The following TRAPPC9 variants were observed in gnomAD, a reference collection of about 807,000 sequenced individuals.
The protein encoded by TRAPPC9 is IKK2 binding protein.
In TRAPPC9, 83 loss-of-function variants were observed where a neutral mutation model predicts 124.0. The observed-to-expected ratio is 0.67, with a 90% CI of 0.56 to 0.80. The LOEUF is 0.80. Among genes scored for constraint, TRAPPC9 ranks in the 30% least tolerant of loss-of-function variants. TRAPPC9 has a pLI of 0.00. For synonymous variants in TRAPPC9, 638 were observed against 617.5 expected (o/e 1.03, Z -0.49); for missense variants, 1,302 against 1,508.3 (o/e 0.86, Z 2.27).
rs902728547 is a variant in TRAPPC9, at chr8:140,355,404, G to T, written c.1495+4646C>A. Among the ~76,000 whole-genome samples the T allele has an allele frequency of 7.9e-5, 12 of 152,164 alleles. No homozygotes were observed. The East Asian group carries it at 2.3e-3, about 29-fold the overall frequency. On this transcript the variant is annotated intron_variant, in intron 9 of 22. Transcript: ENST00000438773. ...CATCAACCGCCTGATCTGAAATCTA[G>T]CTGAGTCTGGTTGCAGCTTTGTCAG...
intron 21 of TRAPPC9, among the ~76,000 whole-genome samples, chr8:139,785,515 T>C (rs987565693): frequency 6.6e-6 from 1 of 150,450 alleles, no homozygotes; most frequent in African/African-American, 2.5e-5. Flanking sequence ...CTGGCCAACA[T>C]GGTGAAACCT....
chr8:140,458,074 GAC>G (rs1374261736), upstream of TRAPPC9, among the ~76,000 whole-genome samples: 625 of 111,384 alleles, frequency 5.6e-3, 30 homozygotes, highest in African/African-American at 0.021. Flanking sequence ...AGAAGCGGGG[GAC>G]AGGGAGAGGG....
At chr8:139,973,644 T>G (rs1393636994) in intron 19 of TRAPPC9, among the ~76,000 whole-genome samples, 1 of 152,232 alleles carries the variant, frequency 6.6e-6, no homozygotes, top group Non-Finnish European at 1.5e-5. Context: ...GTTTCCGGCC[T>G]CTGGAGTCAC....
At chr8:140,449,689 C>T (rs2071388481) in intron 2 of TRAPPC9, among the ~76,000 whole-genome samples, 1 of 152,186 alleles carries the variant, frequency 6.6e-6, no homozygotes, top group Non-Finnish European at 1.5e-5. Flanking sequence ...TGCTTGGCTG[C>T]TTTGTAAGTG....
intron 17 of TRAPPC9, among the ~76,000 whole-genome samples, chr8:140,169,816 T>C (rs758252059): frequency 5.3e-5 from 8 of 152,260 alleles, no homozygotes; most frequent in Non-Finnish European, 1.0e-4. Context: ...GTTGAAGCTG[T>C]ACCCTCAACC....
intron 14 of TRAPPC9, among the ~76,000 whole-genome samples, chr8:140,278,358 G>A (rs2065193308): frequency 6.6e-6 from 1 of 152,128 alleles, no homozygotes; most frequent in Non-Finnish European, 1.5e-5. Context: ...CACCTGCCTT[G>A]GCCTCCCAAA....
At chr8:140,338,198 TG>T (rs2067095330) in intron 9 of TRAPPC9, among the ~76,000 whole-genome samples, 1 of 152,224 alleles carries the variant, frequency 6.6e-6, no homozygotes, top group Admixed American at 6.5e-5. Context: ...CAAGACTGGG[TG>T]GCTGCATGGG....
chr8:140,386,976 C>T (rs113469951), intron 7 of TRAPPC9, among the ~76,000 whole-genome samples: 5 of 152,086 alleles, frequency 3.3e-5, no homozygotes, highest in Admixed American at 6.6e-5. Context: ...GAGATATAGA[C>T]CAATGGAACA....
In TRAPPC9 at chr8:139,961,746, C is replaced by T. The variant is rs928637890; in HGVS notation, c.2810+26980G>A. Among the ~76,000 whole-genome samples, 81 of 123,972 alleles carry T rather than the reference C, an allele frequency of 6.5e-4. 21 individuals are homozygous for T. The highest frequency in any genetic ancestry group is 1.2e-3 in the Non-Finnish European group (62 of 51,872). The allele number at this position is 123,972 out of a possible 152,430, so 81.3% of individuals were successfully genotyped here. A position where few individuals can be genotyped will look rare whatever the true frequency, so the allele number is the denominator to read the frequency against. On this transcript the variant is annotated intron_variant, in intron 19 of 22. Transcript: ENST00000438773. Reference sequence around the variant, plus strand: ...CCTGGTGCCTGCTCTGATCTCAAAGCGGGGGACTTGTGCTGCCTCTTCTGG... The same window carrying T: ...CCTGGTGCCTGCTCTGATCTCAAAGTGGGGGACTTGTGCTGCCTCTTCTGG...
chr8:139,936,606 T>C (rs931127079), intron 19 of TRAPPC9, among the ~76,000 whole-genome samples: 3 of 152,048 alleles, frequency 2.0e-5, no homozygotes, highest in African/African-American at 7.3e-5. Context: ...AAGGTAAGTG[T>C]GTGGCACACA....
chr8:140,265,840 C>T (rs1387832445), intron 15 of TRAPPC9, among the ~76,000 whole-genome samples: 1 of 152,168 alleles, frequency 6.6e-6, no homozygotes, highest in Non-Finnish European at 1.5e-5. Flanking sequence ...TCCAGGGATG[C>T]TGTGGTACAA....
At chr8:139,886,839 G>A (rs776422181) in intron 20 of TRAPPC9, among the ~76,000 whole-genome samples, 1 of 152,204 alleles carries the variant, frequency 6.6e-6, no homozygotes, top group Non-Finnish European at 1.5e-5. Flanking sequence ...TTCTGGTGAA[G>A]GCAGCAACGT....
At chr8:140,203,913 C>T (rs1172524898) in intron 17 of TRAPPC9, among the ~76,000 whole-genome samples, 1 of 152,212 alleles carries the variant, frequency 6.6e-6, no homozygotes. Context: ...AAGCCCTCCA[C>T]ACAGACAAAC....
chr8:139,753,102 C>T lies in TRAPPC9; in HGVS notation c.3056-20900G>A, dbSNP rs145417429. 6.8e-3 allele frequency among the ~76,000 whole-genome samples: 977 copies of T among 143,340 alleles called. 5 individuals carry two copies. Among genetic ancestry groups the T allele is most frequent in the Non-Finnish European group, 0.011 (748 of 66,060 alleles). 94.0% of individuals were successfully genotyped at this position (143,340 alleles called of 152,430 possible). A position where few individuals can be genotyped will look rare whatever the true frequency, so the allele number is the denominator to read the frequency against. On this transcript the variant is annotated intron_variant, in intron 21 of 22. Coordinates refer to ENST00000438773, the MANE Select transcript of TRAPPC9 (RefSeq NM_001160372.4). ...CATCCATCCATCCATCCAACATCTA[C>T]CCATCCATTCACCCATCTACCATCC...
intron 17 of TRAPPC9, among the ~76,000 whole-genome samples, chr8:140,090,814 T>C (rs1354806688): frequency 2.6e-5 from 4 of 152,224 alleles, no homozygotes; most frequent in Admixed American, 6.5e-5. Context: ...TGGCTTCCCA[T>C]GCAGCTGTTC....
At chr8:140,398,260 T>C (rs915948410) in intron 6 of TRAPPC9, among the ~76,000 whole-genome samples, 1 of 152,154 alleles carries the variant, frequency 6.6e-6, no homozygotes, top group African/African-American at 2.4e-5. Flanking sequence ...AGTAAATTGG[T>C]ACCCAGAATG....
Position 139,795,325 on chromosome 8 carries a change from G to A in TRAPPC9, c.3056-63123C>T, listed in dbSNP as rs528851567. ...GTCAGGAGAGCCAGGCAGCCATCCC[G>A]TGTTTGCAGTTAATTCCCCATGGGC... is the stretch of plus-strand genomic sequence containing the variant. On this transcript the variant is annotated intron_variant, in intron 21 of 22. Transcript: ENST00000438773. Among the ~76,000 whole-genome samples, 7 of 151,486 alleles carry A rather than the reference G, an allele frequency of 4.6e-5. No individual in the cohort carries two copies. The East Asian group carries it at 7.7e-4, about 17-fold the overall frequency.
intron 17 of TRAPPC9, among the ~76,000 whole-genome samples, chr8:140,086,261 G>C (rs1394884494): frequency 6.6e-6 from 1 of 152,200 alleles, no homozygotes. Flanking sequence ...GGAGGGGAGA[G>C]AGGAGATGGT....
chr8:140,308,676 T>G (rs1045722575), intron 10 of TRAPPC9, among the ~76,000 whole-genome samples: 1 of 151,270 alleles, frequency 6.6e-6, no homozygotes, highest in Non-Finnish European at 1.5e-5. Flanking sequence ...AGGTCAGGAG[T>G]TCGAGACCAG....
Sources: allele counts gnomAD v4.1 joint callset (sites outside exome capture counted in the v4.1 genomes callset), GRCh38; gene constraint gnomAD v4.1.1; transcripts MANE v1.5; gene names NCBI Gene and HGNC (gene_info 2026-07-23, HGNC 2026-07-21).